GRIA4: variants seen among roughly 807,000 people sequenced by gnomAD.
GRIA4 encodes glutamate receptor 4.
In GRIA4, 34 loss-of-function variants were observed where a neutral mutation model predicts 104.0. That is an observed-to-expected ratio of 0.33 (90% CI 0.25 to 0.44). The LOEUF (loss-of-function observed/expected upper bound fraction) is 0.44, where lower values mean the gene tolerates loss of function less well. Among genes scored for constraint, GRIA4 ranks in the 20% least tolerant of loss-of-function variants. The probability of loss-of-function intolerance (pLI) is 1.00; values close to 1 mark genes in which losing one functional copy is unlikely to be tolerated. For missense variants in GRIA4, 750 were observed against 1,096.5 expected (o/e 0.68, Z 4.46); for synonymous variants, 386 against 381.9 (o/e 1.01, Z -0.13).
At chr11:105,750,531 T>G (rs10502062) in intron 3 of GRIA4, among the ~76,000 whole-genome samples, 70,282 of 151,802 alleles carry the variant, frequency 0.46, 16,535 homozygotes, top group Middle Eastern at 0.52. Context: ...ATGATGCAAA[T>G]GAACGAAAGC....
At chr11:105,858,040 G>T (rs1945078729) in intron 4 of GRIA4, among the ~76,000 whole-genome samples, 1 of 151,992 alleles carries the variant, frequency 6.6e-6, no homozygotes, top group Non-Finnish European at 1.5e-5. Flanking sequence ...ACCTCATTTT[G>T]ATTCTATTTA....
intron 10 of GRIA4, among the ~76,000 whole-genome samples, chr11:105,918,028 G>A (rs2136182842): frequency 6.6e-6 from 1 of 151,992 alleles, no homozygotes; most frequent in East Asian, 1.9e-4. Flanking sequence ...GCATCACTAG[G>A]GAAATGTTTT....
chr11:105,736,803 T>C (rs1227061693), intron 3 of GRIA4, among the ~76,000 whole-genome samples: 2 of 152,110 alleles, frequency 1.3e-5, no homozygotes, highest in African/African-American at 2.4e-5. Flanking sequence ...GTTACTTTAG[T>C]ATAAAAGCAA....
At chr11:105,929,410 G>T (rs1939152) in intron 13 of GRIA4, among the ~76,000 whole-genome samples, 28,449 of 151,976 alleles carry the variant, frequency 0.19, 2,931 homozygotes, top group South Asian at 0.24. Flanking sequence ...CTATTGCCTT[G>T]GTTTTGCCCC....
At chr11:105,845,172 T>G (rs1944537957) in intron 4 of GRIA4, among the ~76,000 whole-genome samples, 3 of 152,348 alleles carry the variant, frequency 2.0e-5, no homozygotes, top group Admixed American at 2.0e-4. Context: ...GGTTGACTGA[T>G]GTCAAAGACT....
At chr11:105,792,889 T>G (rs1168992180) in intron 4 of GRIA4, among the ~76,000 whole-genome samples, 1 of 130,392 alleles carries the variant, frequency 7.7e-6, no homozygotes, top group African/African-American at 3.1e-5. Flanking sequence ...TATGCCAGTT[T>G]GCCAACCAGA....
intron 3 of GRIA4, among the ~76,000 whole-genome samples, chr11:105,734,306 CAT>C (rs1178862220): frequency 1.3e-5 from 2 of 151,918 alleles, no homozygotes; most frequent in Non-Finnish European, 2.9e-5. Flanking sequence ...GCCTAACACT[CAT>C]GTGTAATTCA....
rs375088926 is a variant in GRIA4, at chr11:105,859,963, C to T, written c.488-2061C>T. 3.3e-5 allele frequency among the ~76,000 whole-genome samples: 5 copies of T among 152,090 alleles called. No individual in the cohort carries two copies. In the East Asian group the frequency reaches 7.7e-4, roughly 23 times the overall value. On this transcript the variant is annotated intron_variant, in intron 4 of 16. Transcript: ENST00000282499. The stretch of plus-strand genomic sequence containing the variant: ...TATTAAGGAAGGTTTCATGTCATCA[C>T]GTTACATATGTGTCGAATGGGAAAC...
chr11:105,845,793 A>T (rs1430621851), intron 4 of GRIA4, among the ~76,000 whole-genome samples: 1 of 152,118 alleles, frequency 6.6e-6, no homozygotes, highest in East Asian at 1.9e-4. Context: ...CTGAGGCAGG[A>T]GCCTCAGGAA....
intron 4 of GRIA4, chr11:105,797,992 C>T: frequency 1.1e-5 from 4 of 352,854 alleles, no homozygotes; most frequent in South Asian, 8.5e-5. Flanking sequence ...ATTTATTGAG[C>T]ACCTACTATG....
rs140986237 is a variant in GRIA4 at position 105,793,224 on chromosome 11, G to C, written c.487+40004G>C. ...CCCTAGATTAGACAAGGCCGATGGA[G>C]TGAGGTCCAGAAAGTCTCTTGAGTG... On this transcript the variant is annotated intron_variant, in intron 4 of 16. Transcript: ENST00000282499. 9.5e-3 allele frequency among the ~76,000 whole-genome samples: 1,446 copies of C among 152,230 alleles called. 31 individuals are homozygous for C. The highest frequency in any genetic ancestry group is 0.033 in the African/African-American group (1,377 of 41,546).
chr11:105,916,999 A>C (rs1038961576), intron 10 of GRIA4, among the ~76,000 whole-genome samples: 4 of 152,230 alleles, frequency 2.6e-5, no homozygotes, highest in Admixed American at 6.5e-5. Context: ...AATAACTATT[A>C]ATATTTTATA....
intron 4 of GRIA4, among the ~76,000 whole-genome samples, chr11:105,787,085 A>G (rs1942001281): frequency 6.6e-6 from 1 of 152,162 alleles, no homozygotes; most frequent in South Asian, 2.1e-4. Context: ...AGGAACAGAG[A>G]GACTATAACC....
intron 4 of GRIA4, among the ~76,000 whole-genome samples, chr11:105,757,957 T>G (rs1940406963): frequency 6.6e-6 from 1 of 152,116 alleles, no homozygotes; most frequent in East Asian, 1.9e-4. Flanking sequence ...GTATAAAAAT[T>G]TTTTGGCTGG....
chr11:105,679,496 TA>T (rs1411565966), intron 3 of GRIA4, among the ~76,000 whole-genome samples: 1 of 152,100 alleles, frequency 6.6e-6, no homozygotes, highest in Non-Finnish European at 1.5e-5. Flanking sequence ...TGGCCTAACA[TA>T]ATACAATTAT....
chr11:105,724,603 G>T (rs2135586489), intron 3 of GRIA4, among the ~76,000 whole-genome samples: 1 of 152,096 alleles, frequency 6.6e-6, no homozygotes, highest in East Asian at 1.9e-4. Context: ...CATGGACATA[G>T]AGCATGAAAT....
intron 3 of GRIA4, among the ~76,000 whole-genome samples, chr11:105,651,857 T>C (rs1951695115): frequency 6.6e-6 from 1 of 152,084 alleles, no homozygotes; most frequent in Non-Finnish European, 1.5e-5. Context: ...AGCTAATTAA[T>C]GGGACTCTGT....
intron 4 of GRIA4, among the ~76,000 whole-genome samples, chr11:105,827,021 TA>T (rs1591313495): frequency 6.6e-6 from 1 of 152,050 alleles, no homozygotes; most frequent in Non-Finnish European, 1.5e-5. Flanking sequence ...CAAATTCTAT[TA>T]ATCAGCTTGT....
At chr11:105,899,559 G>A (rs1565326887) in intron 7 of GRIA4, among the ~76,000 whole-genome samples, 1 of 152,086 alleles carries the variant, frequency 6.6e-6, no homozygotes, top group South Asian at 2.1e-4. Context: ...CATGATGGTA[G>A]GCATTCAGTA....
Sources: gnomAD v4.1 joint callset for allele counts (sites outside exome capture counted in the v4.1 genomes callset) on GRCh38, gnomAD v4.1.1 for gene constraint, MANE v1.5 for transcripts, NCBI Gene and HGNC (gene_info 2026-07-23, HGNC 2026-07-21) for gene names.